Variants in ACTR3C observed in about 807,000 individuals in gnomAD.
ACTR3C encodes the protein actin-related protein 3C.
In ACTR3C, 18 loss-of-function variants were observed where a neutral mutation model predicts 26.3. The ratio of observed to expected loss-of-function variants is 0.68; its 90% CI spans 0.47 to 1.01. ACTR3C has a LOEUF of 1.01. Ranked by LOEUF, ACTR3C falls within the 50% of genes least tolerant of loss-of-function variation. ACTR3C has a pLI of 0.00. For missense variants in ACTR3C, 184 were observed against 250.7 expected (o/e 0.73, Z 1.80); for synonymous variants, 55 against 94.5 (o/e 0.58, Z 2.42).
chr7:150,166,513 A>C, the ACTR3C span, among the ~76,000 whole-genome samples: 3 of 150,970 alleles, frequency 2.0e-5, 1 homozygote, highest in African/African-American at 7.5e-5. Context: ...AGCCTGGCCA[A>C]CATGGCGAAA....
chr7:150,235,624 G>T, the ACTR3C span, among the ~76,000 whole-genome samples: 1 of 152,180 alleles, frequency 6.6e-6, no homozygotes, highest in African/African-American at 2.4e-5. Flanking sequence ...TATGACTTAG[G>T]ATTTACAAAA....
At chr7:150,166,768 G>A in the ACTR3C span, among the ~76,000 whole-genome samples, 38 of 149,810 alleles carry the variant, frequency 2.5e-4, 1 homozygote, top group East Asian at 2.5e-3. Context: ...TCATCTCATC[G>A]TATTTTTGCA....
the ACTR3C span, among the ~76,000 whole-genome samples, chr7:149,931,185 C>T: frequency 1.3e-5 from 2 of 152,194 alleles, no homozygotes; most frequent in African/African-American, 2.4e-5. Context: ...CTTTTCTAAA[C>T]GTACATACTG....
the ACTR3C span, among the ~76,000 whole-genome samples, chr7:150,007,809 T>C: frequency 6.6e-6 from 1 of 151,894 alleles, no homozygotes; most frequent in Non-Finnish European, 1.5e-5. Context: ...TGGTCTCATT[T>C]AACACCCAAC....
chr7:149,923,626 G>A, the ACTR3C span, among the ~76,000 whole-genome samples: 7 of 152,120 alleles, frequency 4.6e-5, no homozygotes, highest in African/African-American at 1.7e-4. Context: ...AAAATGCAAG[G>A]AGACCTTAAT....
At chr7:149,929,614 C>T in the ACTR3C span, among the ~76,000 whole-genome samples, 3 of 150,816 alleles carry the variant, frequency 2.0e-5, no homozygotes, top group East Asian at 5.9e-4. Flanking sequence ...TCACTGCAAC[C>T]TCCGCCTCTC....
the ACTR3C span, among the ~76,000 whole-genome samples, chr7:149,899,962 C>CA: frequency 1.3e-5 from 1 of 74,186 alleles, no homozygotes; most frequent in Non-Finnish European, 3.8e-5. Flanking sequence ...GACACACACA[C>CA]ACCAAAAAAA....
the ACTR3C span, among the ~76,000 whole-genome samples, chr7:149,937,783 TA>T: frequency 6.6e-6 from 1 of 152,030 alleles, no homozygotes; most frequent in African/African-American, 2.4e-5. Context: ...AGCAAGTGAA[TA>T]TGCAGGAAGG....
chr7:150,321,831 G>A (rs1388417640), intron 1 of ACTR3C, among the ~76,000 whole-genome samples: 1 of 152,218 alleles, frequency 6.6e-6, no homozygotes, highest in Non-Finnish European at 1.5e-5. Context: ...AGCCCAAGCT[G>A]GAGAACTAGA....
At chr7:150,176,177 A>G in the ACTR3C span, among the ~76,000 whole-genome samples, 3 of 150,962 alleles carry the variant, frequency 2.0e-5, no homozygotes, top group African/African-American at 7.5e-5. Flanking sequence ...TGGCACAAAG[A>G]TGAATAAAAT....
the ACTR3C span, among the ~76,000 whole-genome samples, chr7:149,932,034 C>T: frequency 6.6e-6 from 1 of 152,146 alleles, no homozygotes; most frequent in South Asian, 2.1e-4. Flanking sequence ...TTGAGCATAA[C>T]AGTTCATAGC....
the ACTR3C span, among the ~76,000 whole-genome samples, chr7:149,978,282 G>A: frequency 1.3e-5 from 2 of 152,004 alleles, no homozygotes; most frequent in Non-Finnish European, 2.9e-5. Flanking sequence ...TCAGGGCAGG[G>A]GTTCATGGCC....
chr7:149,996,417 T>A, the ACTR3C span, among the ~76,000 whole-genome samples: 2 of 149,952 alleles, frequency 1.3e-5, no homozygotes, highest in East Asian at 3.9e-4. Flanking sequence ...AAATTGCTAT[T>A]CAGGAGCTGG....
the ACTR3C span, among the ~76,000 whole-genome samples, chr7:150,175,722 G>A: frequency 1.4e-5 from 2 of 140,062 alleles, no homozygotes; most frequent in African/African-American, 5.7e-5. Context: ...TGAGGCAGGA[G>A]AATAGCTTGA....
At chr7:149,979,098 C>A in the ACTR3C span, among the ~76,000 whole-genome samples, 1 of 152,266 alleles carries the variant, frequency 6.6e-6, no homozygotes, top group Non-Finnish European at 1.5e-5. Flanking sequence ...ATTCTCCCGT[C>A]CACACCACTG....
the ACTR3C span, among the ~76,000 whole-genome samples, chr7:150,100,734 C>T: frequency 6.6e-6 from 1 of 151,184 alleles, no homozygotes; most frequent in African/African-American, 2.5e-5. Context: ...ATGGGGGCCT[C>T]ACTTTGTCAC....
At chr7:149,887,893 T>G in the ACTR3C span, among the ~76,000 whole-genome samples, 5 of 152,344 alleles carry the variant, frequency 3.3e-5, no homozygotes, top group Non-Finnish European at 7.4e-5. Flanking sequence ...CTGCTTTTGC[T>G]TCTTCATTTT....
chr7:149,963,536 C>T, the ACTR3C span, among the ~76,000 whole-genome samples: 1 of 152,162 alleles, frequency 6.6e-6, no homozygotes, highest in African/African-American at 2.4e-5. Context: ...TCTTCCACTC[C>T]CTCAGAATGT....
the ACTR3C span, among the ~76,000 whole-genome samples, chr7:150,099,688 C>A: frequency 6.6e-6 from 1 of 151,572 alleles, no homozygotes; most frequent in African/African-American, 2.4e-5. Context: ...ATGAGAACTG[C>A]CCCCACCTTG....
Sources: gnomAD v4.1 joint callset for allele counts (sites outside exome capture counted in the v4.1 genomes callset) on GRCh38, gnomAD v4.1.1 for gene constraint, MANE v1.5 for transcripts, NCBI Gene and HGNC (gene_info 2026-07-23, HGNC 2026-07-21) for gene names.